The following AOPEP variants were observed in gnomAD, a reference collection of about 807,000 sequenced individuals.
AOPEP encodes aminopeptidase O (putative).
In AOPEP, 77 loss-of-function variants were observed where a neutral mutation model predicts 98.1. The observed-to-expected ratio is 0.78, with a 90% confidence interval of 0.65 to 0.95. AOPEP has a LOEUF of 0.95. Ranked by LOEUF, AOPEP falls within the 40% of genes least tolerant of loss-of-function variation. AOPEP has a pLI of 0.00. For synonymous variants in AOPEP, 346 were observed against 365.3 expected, an observed-to-expected ratio of 0.95 and a Z score of 0.60; for missense variants, 1,024 against 1,024.7, an observed-to-expected ratio of 1.00 and a Z score of 0.01.
Position 94,760,115 on chromosome 9 carries a change from A to G in AOPEP, c.332A>G (p.Asp111Gly). 1 of 1,614,236 alleles carries G rather than the reference A, an allele frequency of 6.2e-7. No homozygotes were observed. Among genetic ancestry groups the G allele is most frequent in the Admixed American group, 1.7e-5 (1 of 60,030 alleles). ...ICSKGEKDTSDKDGNHDNQEH... is the reference protein window; with the variant it reads ...ICSKGEKDTSGKDGNHDNQEH... ...AGTAAAGGTGAAAAAGATACTTCTG[A>G]TAAAGATGGTAACCATGACAACCAG... The change falls in exon 2 of 17, where the codon GAT (aspartate) becomes GGT (glycine). Residue 111 changes from aspartate (D) to glycine (G), a missense_variant. By Grantham distance (94) the Asp-to-Gly change is moderately conservative (BLOSUM62 -1). Around this residue, in one of 3 missense-constraint regions of AOPEP, gnomAD observed 440 missense variants for 433.8 expected, o/e 1.01. Transcript: ENST00000375315.
intron 7 of AOPEP, among the ~76,000 whole-genome samples, chr9:94,929,090 T>C: frequency 6.6e-6 from 1 of 152,204 alleles, no homozygotes; most frequent in East Asian, 1.9e-4. Flanking sequence ...TCCACGTTTG[T>C]CCCTCTCTGC....
chr9:94,788,252 T>A (rs1844873750), intron 3 of AOPEP, among the ~76,000 whole-genome samples: 1 of 151,758 alleles, frequency 6.6e-6, no homozygotes, highest in African/African-American at 2.4e-5. Context: ...AAAAAAAAAT[T>A]TTTTTTTGTA....
intron 13 of AOPEP, among the ~76,000 whole-genome samples, chr9:95,047,968 G>T (rs1439569576): frequency 6.6e-6 from 1 of 152,172 alleles, no homozygotes; most frequent in Non-Finnish European, 1.5e-5. Context: ...ACAGAAAGCT[G>T]CCCTGGGTGG....
chr9:94,771,284 A>G (rs939660971), intron 2 of AOPEP, among the ~76,000 whole-genome samples: 1 of 152,100 alleles, frequency 6.6e-6, no homozygotes, highest in African/African-American at 2.4e-5. Flanking sequence ...AACAGAACAG[A>G]CAATAGAAGT....
chr9:94,933,756 T>G, intron 7 of AOPEP: 1 of 802,858 alleles, frequency 1.2e-6, no homozygotes, highest in East Asian at 1.3e-4. Context: ...TTTTTTTAAT[T>G]TTTTTTTTTG....
At chr9:94,957,800 T>A (rs56051879) in intron 9 of AOPEP, among the ~76,000 whole-genome samples, 1 of 152,194 alleles carries the variant, frequency 6.6e-6, no homozygotes, top group Admixed American at 6.5e-5. Context: ...AAGAATCATA[T>A]GCTTTGAGAA....
At chr9:95,106,624 T>C in the AOPEP span, among the ~76,000 whole-genome samples, 1 of 152,234 alleles carries the variant, frequency 6.6e-6, no homozygotes, top group African/African-American at 2.4e-5. Flanking sequence ...AGGATTTCTT[T>C]GTAATAAACC....
At chr9:94,913,327 G>A (rs1050327269) in intron 5 of AOPEP, among the ~76,000 whole-genome samples, 2 of 152,150 alleles carry the variant, frequency 1.3e-5, no homozygotes, top group Non-Finnish European at 2.9e-5. Flanking sequence ...GTTTATTTTT[G>A]TTTCTGGTGA....
rs571786617 is a variant in AOPEP, at chr9:94,972,938, CA to C, written c.1916+5147del. On this transcript the variant is annotated intron_variant, in intron 10 of 16. Coordinates refer to ENST00000375315, the MANE Select transcript of AOPEP (RefSeq NM_001193329.3). The surrounding 1 kb of genome is among the most constrained non-coding windows in gnomAD (Gnocchi z 4.2). Reference sequence around the variant, plus strand: ...TGGGAGACAGAGTGAGACCCTGTCTCAAAAAAAAAAGGAAGAAAATAAGTAA... The same window carrying C: ...TGGGAGACAGAGTGAGACCCTGTCTCAAAAAAAAAGGAAGAAAATAAGTAA... Among the ~76,000 whole-genome samples, 53 of 142,756 alleles carry C rather than the reference CA, an allele frequency of 3.7e-4. No homozygotes were observed. Among genetic ancestry groups the C allele is most frequent in the Admixed American group, 4.9e-4 (7 of 14,328 alleles). The allele number at this position is 142,756 out of a possible 152,430, so 93.7% of individuals were successfully genotyped here. A position where few individuals can be genotyped will look rare whatever the true frequency, so the allele number is the denominator to read the frequency against.
At chr9:95,107,002 G>C in the AOPEP span, 1 of 1,537,274 alleles carries the variant, frequency 6.5e-7, no homozygotes, top group Non-Finnish European at 9.0e-7. Context: ...CCCTCGGACA[G>C]GTAACCCACC....
At chr9:94,934,630 T>G (rs1008514828) in intron 7 of AOPEP, 2 of 152,266 alleles carry the variant, frequency 1.3e-5, no homozygotes, top group African/African-American at 4.8e-5. Flanking sequence ...AACTGTTTTT[T>G]CCTTGGCTCA....
At chr9:94,847,012 A>G (rs962997143) in intron 5 of AOPEP, among the ~76,000 whole-genome samples, 37 of 152,198 alleles carry the variant, frequency 2.4e-4, no homozygotes, top group African/African-American at 8.4e-4. Flanking sequence ...GGGATCTACA[A>G]TAGGAGTAAA....
At chr9:95,114,479 C>T in the AOPEP span, 1 of 780,432 alleles carries the variant, frequency 1.3e-6, no homozygotes, top group Non-Finnish European at 2.3e-6. Context: ...CATGCGCTTC[C>T]TCCACTTCTC....
At chr9:94,808,073 C>T (rs553902905) in intron 5 of AOPEP, among the ~76,000 whole-genome samples, 5 of 148,966 alleles carry the variant, frequency 3.4e-5, no homozygotes, top group Admixed American at 1.3e-4. Flanking sequence ...GACGGAGTCT[C>T]ACTCTGTTGC....
the AOPEP span, chr9:95,100,196 C>T: frequency 4.7e-4 from 104 of 222,918 alleles, no homozygotes; most frequent in African/African-American, 2.6e-3. Flanking sequence ...CATGATGGCA[C>T]GAAGCATGTT....
chr9:94,928,238 C>T (rs902251493), intron 6 of AOPEP, among the ~76,000 whole-genome samples, 187 bp from the exon 7 acceptor site: 2 of 152,174 alleles, frequency 1.3e-5, no homozygotes, highest in Non-Finnish European at 2.9e-5. Flanking sequence ...CACAAGCGAG[C>T]GTGCACGGTT....
intron 5 of AOPEP, among the ~76,000 whole-genome samples, chr9:94,876,341 C>G (rs192451454): frequency 6.6e-6 from 1 of 152,020 alleles, no homozygotes; most frequent in African/African-American, 2.4e-5. Context: ...CTCTCATAAA[C>G]ACATCAGTTG....
intron 5 of AOPEP, among the ~76,000 whole-genome samples, chr9:94,850,305 T>G (rs1288889277): frequency 2.0e-5 from 3 of 152,204 alleles, no homozygotes; most frequent in Non-Finnish European, 4.4e-5. Flanking sequence ...AATGTCTAAT[T>G]GAGTGTGGCA....
intron 1 of AOPEP, among the ~76,000 whole-genome samples, chr9:94,745,817 C>T (rs1419777440): frequency 6.6e-6 from 1 of 152,172 alleles, no homozygotes; most frequent in Non-Finnish European, 1.5e-5. Context: ...GTGAATAGTG[C>T]TGCAGTAAGT....
Sources: allele counts gnomAD v4.1 joint callset (sites outside exome capture counted in the v4.1 genomes callset), GRCh38; gene constraint gnomAD v4.1.1; regional missense constraint gnomAD v4.1.1; non-coding constraint Gnocchi (gnomAD v3.1); transcripts MANE v1.5; gene names NCBI Gene and HGNC (gene_info 2026-07-23, HGNC 2026-07-21).